APOBEC3F: variants seen among roughly 807,000 people sequenced by gnomAD.
The protein encoded by APOBEC3F is apolipoprotein B mRNA editing enzyme catalytic subunit 3F.
Under a neutral mutation model 45.8 loss-of-function variants are expected in APOBEC3F, and 34 were observed. The ratio of observed to expected loss-of-function variants is 0.74; its 90% CI spans 0.57 to 0.99. The LOEUF is 0.99. APOBEC3F is among the 50% of genes least tolerant of loss of function. The pLI, the probability that APOBEC3F is intolerant of heterozygous loss-of-function variation, is 0.00. For missense variants in APOBEC3F, 459 were observed against 474.1 expected (o/e 0.97, Z 0.30); for synonymous variants, 192 against 174.4 (o/e 1.10, Z -0.80).
rs117439687 is a variant in APOBEC3F, at chr22:39,048,085, A to C, written c.567-1340A>C. ...GAGCACCATTCACCTTTTAGAATGA[A>C]ACCTGCAACATGGAGTGTAGGAAAA... is the stretch of plus-strand genomic sequence containing the variant. On this transcript the variant is annotated intron_variant, in intron 4 of 6. Transcript: ENST00000308521. Among the ~76,000 whole-genome samples, 83 of 152,308 alleles carry C rather than the reference A, an allele frequency of 5.4e-4. No individual in the cohort carries two copies. In the East Asian group the frequency reaches 0.014, roughly 26 times the overall value.
chr22:39,044,484 G>A lies in APOBEC3F; in HGVS notation c.172-457G>A, dbSNP rs1601495083. 2.3e-5 allele frequency: 22 copies of A among 963,532 alleles called. No homozygotes were observed. The East Asian group carries it at 3.7e-4, about 16-fold the overall frequency. The allele number at this position is 963,532 out of a possible 1,614,324, so 59.7% of individuals were successfully genotyped here. On this transcript the variant is annotated intron_variant, in intron 2 of 6. Transcript: ENST00000308521. ...AGCAACTTTCCAGGGCCTGCGAGCT[G>A]CACAGTCACGTGGGGGTAAAGGTTG...
chr22:39,047,301 G>A (rs1490583522), intron 4 of APOBEC3F, among the ~76,000 whole-genome samples: 1 of 152,166 alleles, frequency 6.6e-6, no homozygotes, highest in Non-Finnish European at 1.5e-5. Flanking sequence ...CCTGAGGGCA[G>A]GATCCAGGAG....
chr22:39,045,598 C>T, intron 4 of APOBEC3F, 56 bp downstream of exon 4: 2 of 1,611,034 alleles, frequency 1.2e-6, no homozygotes, highest in Non-Finnish European at 1.7e-6. Flanking sequence ...TGCTCATCCT[C>T]CTGAGGCCTC....
At chr22:39,051,271 G>A (rs1927469946) in intron 5 of APOBEC3F, among the ~76,000 whole-genome samples, 1 of 151,814 alleles carries the variant, frequency 6.6e-6, no homozygotes, top group South Asian at 2.1e-4. Context: ...AGGTGCAGTG[G>A]TTCACGCCTG....
At chr22:39,045,329 G>T in intron 3 of APOBEC3F, 99 bp from the exon 4 acceptor site, 2 of 1,603,936 alleles carry the variant, frequency 1.2e-6, no homozygotes, top group South Asian at 2.2e-5. Flanking sequence ...GCAGGGGCGG[G>T]GCCAGCACTG....
In APOBEC3F at chr22:39,049,430, C is replaced by T. The variant is rs770513913; in HGVS notation, c.572C>T (p.Pro191Leu). 3.1e-6 allele frequency: 5 copies of T among 1,613,930 alleles called. No homozygotes were observed. Among genetic ancestry groups the T allele is most frequent in the East Asian group, 2.2e-5 (1 of 44,876 alleles). Reference sequence around the variant, plus strand: ...TTTCTCTATTGTGCCTTCAGAAACCCGATGGAGGCAATGTATCCACACATA... The same window carrying T: ...TTTCTCTATTGTGCCTTCAGAAACCTGATGGAGGCAATGTATCCACACATA... ...HRTLKEILRN[P>L]MEAMYPHIFY... The change falls in exon 5 of 7, where the codon CCG becomes CTG. Residue 191 changes from proline to leucine, a missense_variant. Physicochemically the swap from Pro to Leu is moderately conservative, Grantham distance 98. Coordinates refer to ENST00000308521, the MANE Select transcript of APOBEC3F (RefSeq NM_145298.6).
chr22:39,044,786 A>G (rs1012826955), intron 2 of APOBEC3F, among the ~76,000 whole-genome samples, 155 bp from the exon 3 acceptor site: 1 of 151,950 alleles, frequency 6.6e-6, no homozygotes, highest in African/African-American at 2.4e-5. Context: ...TTTGGAGCAG[A>G]CAATCACTCA....
intron 1 of APOBEC3F, among the ~76,000 whole-genome samples, chr22:39,042,654 A>G (rs2413565): frequency 0.61 from 91,977 of 151,992 alleles, 29,377 homozygotes; most frequent in African/African-American, 0.79. Flanking sequence ...GCGTTGGAGA[A>G]TGGGTGGGAG....
intron 1 of APOBEC3F, among the ~76,000 whole-genome samples, chr22:39,041,599 C>T (rs1377113094): frequency 2.6e-5 from 4 of 152,178 alleles, no homozygotes; most frequent in South Asian, 2.1e-4. Flanking sequence ...TGCGGTGGCT[C>T]ACACCTGTCA....
In APOBEC3F at chr22:39,049,456, T is replaced by C. The variant is rs1227422604; in HGVS notation, c.598T>C (p.Phe200Leu). The C allele has an allele frequency of 3.1e-6, 5 of 1,614,090 alleles. No individual in the cohort carries two copies. The highest frequency in any genetic ancestry group is 2.2e-5 in the South Asian group (2 of 91,068). ...GATGGAGGCAATGTATCCACACATA[T>C]TCTACTTCCACTTTAAAAACCTACG... ...NPMEAMYPHI[F>L]YFHFKNLRKA... The change falls in exon 5 of 7, where the codon TTC (phenylalanine) becomes CTC (leucine). Residue 200 changes from phenylalanine to leucine, a missense_variant. By Grantham distance (22) the Phe-to-Leu change is conservative. Coordinates refer to ENST00000308521, the MANE Select transcript of APOBEC3F (RefSeq NM_145298.6).
rs185786771 is a variant in APOBEC3F, at chr22:39,048,481, T to C, written c.567-944T>C. 1.7e-3 allele frequency among the ~76,000 whole-genome samples: 259 copies of C among 152,244 alleles called. 1 individual carries two copies. Among genetic ancestry groups the C allele is most frequent in the Middle Eastern group, 0.01 (3 of 294 alleles). ...CAAGGTCAGGAGTTCAAGACCAGCC[T>C]GGCCAACATGGTGAAACCCAGTCTC... is the stretch of plus-strand genomic sequence containing the variant. On this transcript the variant is annotated intron_variant, in intron 4 of 6. Coordinates refer to ENST00000308521, the MANE Select transcript of APOBEC3F (RefSeq NM_145298.6).
chr22:39,044,163 G>C (rs772455806), intron 2 of APOBEC3F: 25 of 1,598,920 alleles, frequency 1.6e-5, no homozygotes, highest in Non-Finnish European at 2.1e-5. Flanking sequence ...ATGGGACAGC[G>C]CAGGTCCAGT....
intron 5 of APOBEC3F, among the ~76,000 whole-genome samples, chr22:39,050,915 A>G (rs1351824483): frequency 6.6e-6 from 1 of 152,188 alleles, no homozygotes; most frequent in Non-Finnish European, 1.5e-5. Flanking sequence ...CACATGACCT[A>G]TGATGAGACA....
intron 2 of APOBEC3F, among the ~76,000 whole-genome samples, chr22:39,044,581 GGGACAAGAGGAA>G (rs1927106524): frequency 6.6e-6 from 1 of 152,058 alleles, no homozygotes; most frequent in African/African-American, 2.4e-5. Flanking sequence ...CCATGCCACG[GGGACAAGAGGAA>G]GCAGTTTAGT....
intron 5 of APOBEC3F, among the ~76,000 whole-genome samples, chr22:39,050,951 G>A (rs558697486): frequency 4.3e-4 from 65 of 152,294 alleles, no homozygotes; most frequent in African/African-American, 1.5e-3. Context: ...AAATAAAGAA[G>A]GAAGGGGCCG....
intron 1 of APOBEC3F, among the ~76,000 whole-genome samples, chr22:39,042,376 A>C (rs935194986): frequency 2.1e-5 from 3 of 145,726 alleles, no homozygotes; most frequent in Non-Finnish European, 4.4e-5. Flanking sequence ...CAGTGGCACG[A>C]TCTCGGCTCA....
chr22:39,041,584 C>T (rs867061730), intron 1 of APOBEC3F, among the ~76,000 whole-genome samples: 6 of 151,984 alleles, frequency 3.9e-5, no homozygotes, highest in Non-Finnish European at 8.8e-5. Context: ...AATATAGTGG[C>T]CGGGTGCGGT....
At position 39,043,030 on chromosome 22, in the gene APOBEC3F, C is replaced by G; in HGVS notation, c.111C>G (p.Tyr37Ter). ...LSRRNTVWLC[Y>*]EVKTKGPSRP... The stretch of plus-strand genomic sequence containing the variant: ...GTCGGAATACCGTCTGGCTGTGCTA[C>G]GAAGTGAAAACAAAGGGTCCCTCAA... Residue 37 changes from tyrosine to a stop codon, truncating the protein, a stop_gained, in exon 2 of 7, where the codon TAC becomes TAG. Transcript: ENST00000308521. LOFTEE classifies it high-confidence loss of function. 1 of 1,614,152 alleles carries G rather than the reference C, an allele frequency of 6.2e-7. No homozygotes were observed.
At position 39,052,900 on chromosome 22, in the gene APOBEC3F, A is replaced by C; in HGVS notation, c.*205A>C. Reference sequence around the variant, plus strand: ...CCTGCAGAGGCCTCTTTCTGCCTCCATGGCTATCCATCCACCCACCAAGAC... The same window carrying C: ...CCTGCAGAGGCCTCTTTCTGCCTCCCTGGCTATCCATCCACCCACCAAGAC... On this transcript the variant is annotated 3_prime_UTR_variant, in exon 7 of 7. Transcript: ENST00000308521. 1 of 1,214,154 alleles carries C rather than the reference A, an allele frequency of 8.2e-7. No individual in the cohort carries two copies. The highest frequency in any genetic ancestry group is 2.2e-5 in the South Asian group (1 of 45,846). 75.2% of individuals were successfully genotyped at this position (1,214,154 alleles called of 1,614,324 possible). A position where few individuals can be genotyped will look rare whatever the true frequency, so the allele number is the denominator to read the frequency against.
Sources: gnomAD v4.1 joint callset for allele counts (sites outside exome capture counted in the v4.1 genomes callset) on GRCh38, gnomAD v4.1.1 for gene constraint, MANE v1.5 for transcripts, NCBI Gene and HGNC (gene_info 2026-07-23, HGNC 2026-07-21) for gene names.